RBMS2: variants seen among roughly 807,000 people sequenced by gnomAD.
RBMS2 encodes the protein RNA binding motif single stranded interacting protein 2, also known as RNA-binding motif, single-stranded-interacting protein 2.
A neutral mutation model predicts 58.4 loss-of-function variants in RBMS2; 38 were observed. The ratio of observed to expected loss-of-function variants is 0.65; its 90% CI spans 0.50 to 0.85. RBMS2 has a LOEUF of 0.85. Among genes scored for constraint, RBMS2 ranks in the 40% least tolerant of loss-of-function variants. The pLI, the probability that RBMS2 is intolerant of heterozygous loss-of-function variation, is 0.00. For missense variants in RBMS2, 367 were observed against 503.7 expected (o/e 0.73, Z 2.60); for synonymous variants, 151 against 180.7 (o/e 0.84, Z 1.32).
At chr12:56,536,434 G>A (rs1283653702) in intron 1 of RBMS2, among the ~76,000 whole-genome samples, 1 of 150,844 alleles carries the variant, frequency 6.6e-6, no homozygotes, top group African/African-American at 2.4e-5. Context: ...TGAGCTTCTT[G>A]AAAGAGTAGT....
At chr12:56,576,316 G>A (rs1037747095) in intron 5 of RBMS2, among the ~76,000 whole-genome samples, 9 of 152,066 alleles carry the variant, frequency 5.9e-5, no homozygotes, top group African/African-American at 2.2e-4. Context: ...TAACATGAGT[G>A]ACACAGTGAG....
At chr12:56,554,578 G>T (rs1878891415) in intron 1 of RBMS2, among the ~76,000 whole-genome samples, 1 of 152,084 alleles carries the variant, frequency 6.6e-6, no homozygotes, top group African/African-American at 2.4e-5. Context: ...ACACACTGGG[G>T]CCTGTTGTAT....
Position 56,569,757 on chromosome 12 carries a change from C to T in RBMS2, c.293-142C>T. On this transcript the variant is annotated intron_variant, in intron 3 of 13. Coordinates refer to ENST00000262031, the MANE Select transcript of RBMS2 (RefSeq NM_002898.4). ...CAGGGTTTGAGGAGCATGTGGATAA[C>T]TACCTGAAACCTCTCAATAGCTCTT... is the stretch of plus-strand genomic sequence containing the variant. 2 of 728,684 alleles carry T rather than the reference C, an allele frequency of 2.7e-6. 1 individual carries two copies. The highest frequency in any genetic ancestry group is 5.3e-5 in the East Asian group (2 of 37,804). The allele number at this position is 728,684 out of a possible 1,614,324, so 45.1% of individuals were successfully genotyped here.
Position 56,595,663 on chromosome 12 carries a change from G to A in RBMS2, c.*6530G>A, listed in dbSNP as rs1210920076. Reference sequence around the variant, plus strand: ...CTGGTGATGGTCCCATATTTGCTATGACAGGAACACAGAGGTGGCAGCTTA... The same window carrying A: ...CTGGTGATGGTCCCATATTTGCTATAACAGGAACACAGAGGTGGCAGCTTA... On this transcript the variant is annotated 3_prime_UTR_variant, in exon 14 of 14. Coordinates refer to ENST00000262031, the MANE Select transcript of RBMS2 (RefSeq NM_002898.4). The A allele has an allele frequency of 6.6e-6, 1 of 151,964 alleles. No individual in the cohort carries two copies. Among genetic ancestry groups the A allele is most frequent in the African/African-American group, 2.4e-5 (1 of 41,318 alleles). The allele number at this position is 151,964 out of a possible 1,614,324, so 9.4% of individuals were successfully genotyped here.
upstream of RBMS2, among the ~76,000 whole-genome samples, chr12:56,521,120 C>T (rs1871672381): frequency 1.3e-5 from 2 of 152,042 alleles, no homozygotes; most frequent in South Asian, 4.1e-4. Flanking sequence ...TCTGTTTGTT[C>T]CTTTGTACAT....
Position 56,590,014 on chromosome 12 carries a change from T to C in RBMS2, c.*881T>C, listed in dbSNP as rs1261186578. 2 of 152,124 alleles carry C rather than the reference T, an allele frequency of 1.3e-5. No individual in the cohort carries two copies. The highest frequency in any genetic ancestry group is 4.8e-5 in the African/African-American group (2 of 41,408). 9.4% of individuals were successfully genotyped at this position (152,124 alleles called of 1,614,324 possible). The stretch of plus-strand genomic sequence containing the variant: ...GACCCAGGCTTACTAAAGAGACAAC[T>C]CCACAGCCCTGGGAACACACCCTTG... On this transcript the variant is annotated 3_prime_UTR_variant, in exon 14 of 14. Transcript: ENST00000262031.
intron 1 of RBMS2, among the ~76,000 whole-genome samples, chr12:56,545,236 A>G (rs979456259): frequency 6.6e-6 from 1 of 152,110 alleles, no homozygotes; most frequent in African/African-American, 2.4e-5. Flanking sequence ...GCTGCAAAAT[A>G]CATTATTTTG....
intron 1 of RBMS2, among the ~76,000 whole-genome samples, chr12:56,562,093 C>T (rs913602208): frequency 8.5e-5 from 13 of 152,272 alleles, no homozygotes; most frequent in African/African-American, 2.6e-4. Flanking sequence ...CAGGTGTGAG[C>T]CACCACGCCC....
At position 56,590,619 on chromosome 12, in the gene RBMS2, C is replaced by G. The variant is rs1238132304; in HGVS notation, c.*1486C>G. On this transcript the variant is annotated 3_prime_UTR_variant, in exon 14 of 14. Transcript: ENST00000262031. ...CAAACAGTGCCTTTTGACACTCATGCAACTGTTGGGGAAGGACTGGACTGG... is the reference window on the plus strand; with the variant it reads ...CAAACAGTGCCTTTTGACACTCATGGAACTGTTGGGGAAGGACTGGACTGG... The G allele has an allele frequency of 6.6e-6, 1 of 152,210 alleles. No individual in the cohort carries two copies. The highest frequency in any genetic ancestry group is 1.5e-5 in the Non-Finnish European group (1 of 68,054). 9.4% of individuals were successfully genotyped at this position (152,210 alleles called of 1,614,324 possible).
intron 9 of RBMS2, among the ~76,000 whole-genome samples, chr12:56,582,781 G>A (rs1884145202): frequency 6.6e-6 from 1 of 152,182 alleles, no homozygotes; most frequent in African/African-American, 2.4e-5. Flanking sequence ...CGATTCTCCT[G>A]TTTTAGCCTC....
intron 1 of RBMS2, among the ~76,000 whole-genome samples, chr12:56,551,977 A>G (rs755295377): frequency 3.3e-5 from 5 of 152,192 alleles, no homozygotes; most frequent in Non-Finnish European, 5.9e-5. Context: ...AGTCCCAGGT[A>G]CGTGGGAGGC....
chr12:56,560,667 T>G (rs555669652), intron 1 of RBMS2, among the ~76,000 whole-genome samples: 1 of 152,318 alleles, frequency 6.6e-6, no homozygotes, highest in South Asian at 2.1e-4. Context: ...AGCGCTGGGA[T>G]TACAGGTGTG....
In RBMS2 at chr12:56,592,539, C is replaced by T. The variant is rs1196186748; in HGVS notation, c.*3406C>T. The T allele has an allele frequency of 6.6e-6, 1 of 152,306 alleles. No homozygotes were observed. Among genetic ancestry groups the T allele is most frequent in the East Asian group, 1.9e-4 (1 of 5,200 alleles). 9.4% of individuals were successfully genotyped at this position (152,306 alleles called of 1,614,324 possible). ...TTTATTTTATTTTTTCAGACAGAGT[C>T]TTGCTCTGTCGCCCAGGCTGGAGTG... On this transcript the variant is annotated 3_prime_UTR_variant, in exon 14 of 14. Coordinates refer to ENST00000262031, the MANE Select transcript of RBMS2 (RefSeq NM_002898.4).
chr12:56,522,971 A>G (rs1032615724), intron 1 of RBMS2, among the ~76,000 whole-genome samples: 35 of 152,300 alleles, frequency 2.3e-4, no homozygotes, highest in Admixed American at 9.8e-4. Context: ...AAAATGTGAC[A>G]TAGACATTTA....
chr12:56,569,123 T>C, intron 3 of RBMS2, 90 bp downstream of exon 3: 1 of 1,198,412 alleles, frequency 8.3e-7, no homozygotes, highest in South Asian at 1.3e-5. Flanking sequence ...GTCCTGAGTC[T>C]ACAGTGTCAG....
At chr12:56,524,152 AG>A (rs904050112) in intron 1 of RBMS2, among the ~76,000 whole-genome samples, 42 of 152,320 alleles carry the variant, frequency 2.8e-4, no homozygotes, top group African/African-American at 9.9e-4. Flanking sequence ...AGGATAGTAT[AG>A]GGGACAAGAG....
intron 1 of RBMS2, among the ~76,000 whole-genome samples, chr12:56,550,141 T>C (rs1877982348): frequency 6.6e-6 from 1 of 152,222 alleles, no homozygotes; most frequent in African/African-American, 2.4e-5. Flanking sequence ...TTTATTGATA[T>C]GTCCTAAATG....
At chr12:56,538,371 C>A (rs1018894657) in intron 1 of RBMS2, among the ~76,000 whole-genome samples, 1 of 150,540 alleles carries the variant, frequency 6.6e-6, no homozygotes, top group Non-Finnish European at 1.5e-5. Flanking sequence ...ATTGAATCTG[C>A]AGATTACAGG....
chr12:56,525,613 C>G (rs1157211851), intron 1 of RBMS2, among the ~76,000 whole-genome samples: 1 of 151,866 alleles, frequency 6.6e-6, no homozygotes, highest in East Asian at 1.9e-4. Flanking sequence ...AATCTCCAAC[C>G]CCTGGGCTTA....
Sources: gnomAD v4.1 joint callset for allele counts (sites outside exome capture counted in the v4.1 genomes callset) on GRCh38, gnomAD v4.1.1 for gene constraint, MANE v1.5 for transcripts, NCBI Gene and HGNC (gene_info 2026-07-23, HGNC 2026-07-21) for gene names.